Variants in C10orf90 observed in about 807,000 individuals in gnomAD.
C10orf90 encodes chromosome 10 open reading frame 90, also known as (E2-independent) E3 ubiquitin-conjugating enzyme FATS.
Under a neutral mutation model 62.5 loss-of-function variants are expected in C10orf90, and 56 were observed. The ratio of observed to expected loss-of-function variants is 0.90; its 90% CI spans 0.72 to 1.12. The LOEUF is 1.12. Ranked by LOEUF, C10orf90 falls within the 50% of genes most tolerant of loss-of-function variation. C10orf90 has a pLI of 0.00. For synonymous variants in C10orf90, 386 were observed against 340.4 expected, an observed-to-expected ratio of 1.13 and a Z score of -1.47; for missense variants, 970 against 880.4, an observed-to-expected ratio of 1.10 and a Z score of -1.29.
chr10:126,622,887 T>G (rs2804432), intron 2 of C10orf90, among the ~76,000 whole-genome samples: 17,925 of 152,256 alleles, frequency 0.12, 2,057 homozygotes, highest in African/African-American at 0.3. Context: ...ATTATTTAAT[T>G]TACATGTGCA....
chr10:126,496,856 G>A (rs533631080), intron 4 of C10orf90, among the ~76,000 whole-genome samples: 1 of 152,328 alleles, frequency 6.6e-6, no homozygotes, highest in African/African-American at 2.4e-5. Context: ...CACTCTGTGA[G>A]CCATTGCTCC....
At chr10:126,604,150 C>A (rs886390309) in intron 2 of C10orf90, among the ~76,000 whole-genome samples, 1 of 152,214 alleles carries the variant, frequency 6.6e-6, no homozygotes, top group Non-Finnish European at 1.5e-5. Flanking sequence ...CAAGGCTGGG[C>A]TCCATCCAGA....
chr10:126,668,510 A>G, intron 1 of C10orf90, among the ~76,000 whole-genome samples: 1 of 152,244 alleles, frequency 6.6e-6, no homozygotes, highest in East Asian at 1.9e-4. Context: ...CTGAGATGTC[A>G]TGGTAGGAAT....
At chr10:126,608,589 T>C (rs907705947) in intron 2 of C10orf90, among the ~76,000 whole-genome samples, 7 of 152,220 alleles carry the variant, frequency 4.6e-5, no homozygotes, top group Non-Finnish European at 1.0e-4. Flanking sequence ...TTTCTCCTTT[T>C]CCAGCTACAT....
In C10orf90 at chr10:126,456,561, A is replaced by G. The variant is rs997670342; in HGVS notation, c.2188+2479T>C. 6.6e-6 allele frequency among the ~76,000 whole-genome samples: 1 copy of G among 152,232 alleles called. No individual in the cohort carries two copies. The highest frequency in any genetic ancestry group is 2.4e-5 in the African/African-American group (1 of 41,458). On this transcript the variant is annotated intron_variant, in intron 7 of 9. Coordinates refer to ENST00000488181, the MANE Select transcript of C10orf90 (RefSeq NM_001350921.2). The surrounding 1 kb of genome is among the most constrained non-coding windows in gnomAD (Gnocchi z 4.9). ...AACACCACAGTTGAATGATATAATG[A>G]GTGTAATGATGTCGCCCCAACAAAA...
At chr10:126,427,255 G>A (rs1462007933) in intron 8 of C10orf90, among the ~76,000 whole-genome samples, 1 of 152,224 alleles carries the variant, frequency 6.6e-6, no homozygotes, top group African/African-American at 2.4e-5. Flanking sequence ...GGAAGGACTA[G>A]GAGAGAAAAC....
rs371876733 is a variant in C10orf90 at position 126,503,388 on chromosome 10, A to C, written c.1534+569T>G. Among the ~76,000 whole-genome samples the C allele has an allele frequency of 7.2e-5, 11 of 152,318 alleles. No homozygotes were observed. The East Asian group carries it at 1.4e-3, about 19-fold the overall frequency. On this transcript the variant is annotated intron_variant, in intron 4 of 9. Transcript: ENST00000488181. ...CTGCTGCTACTACTATTTGGCACAG[A>C]GAGTCCCTGACTTGCCTAATTTAGA...
At chr10:126,427,574 G>C (rs1405699984) in intron 8 of C10orf90, among the ~76,000 whole-genome samples, 1 of 152,166 alleles carries the variant, frequency 6.6e-6, no homozygotes, top group Non-Finnish European at 1.5e-5. Context: ...AATAAAGCAG[G>C]AGGAAGAAGG....
chr10:126,654,454 T>C (rs1413603545), intron 1 of C10orf90, among the ~76,000 whole-genome samples: 1 of 152,218 alleles, frequency 6.6e-6, no homozygotes, highest in Non-Finnish European at 1.5e-5. Flanking sequence ...TTTTTTTCTG[T>C]ATCTTCCTCA....
At chr10:126,528,629 C>A (rs553104697) in intron 2 of C10orf90, among the ~76,000 whole-genome samples, 1 of 152,348 alleles carries the variant, frequency 6.6e-6, no homozygotes, top group African/African-American at 2.4e-5. Flanking sequence ...AGCTCCACCA[C>A]GGCCCAGCAC....
chr10:126,477,644 T>A (rs4962559), intron 4 of C10orf90, among the ~76,000 whole-genome samples: 55,302 of 152,042 alleles, frequency 0.36, 10,991 homozygotes, highest in African/African-American at 0.54. Flanking sequence ...CCAGGGGTAC[T>A]AGTAGCTCTT....
At chr10:126,498,935 C>T (rs1862230875) in intron 4 of C10orf90, among the ~76,000 whole-genome samples, 1 of 152,180 alleles carries the variant, frequency 6.6e-6, no homozygotes, top group Admixed American at 6.5e-5. Flanking sequence ...AGTAAATGCC[C>T]TACCCATTCA....
At chr10:126,631,021 C>T (rs1470912828) in intron 2 of C10orf90, among the ~76,000 whole-genome samples, 1 of 152,210 alleles carries the variant, frequency 6.6e-6, no homozygotes, top group Non-Finnish European at 1.5e-5. Flanking sequence ...TTCCACACCT[C>T]TAGAAGGGGC....
chr10:126,601,953 G>C (rs1193524894), intron 2 of C10orf90, among the ~76,000 whole-genome samples: 1 of 152,190 alleles, frequency 6.6e-6, no homozygotes, highest in South Asian at 2.1e-4. Context: ...TAAATGCTGC[G>C]ACTGTCCTAA....
At chr10:126,455,998 C>G (rs910282108) in intron 7 of C10orf90, among the ~76,000 whole-genome samples, 2 of 152,262 alleles carry the variant, frequency 1.3e-5, no homozygotes, top group Non-Finnish European at 2.9e-5. Flanking sequence ...GATTGCTTGA[C>G]AAGCCCCGAT....
In C10orf90 at chr10:126,664,696, A is replaced by G. The variant is rs145902880; in HGVS notation, c.240+5545T>C. Among the ~76,000 whole-genome samples, 276 of 152,316 alleles carry G rather than the reference A, an allele frequency of 1.8e-3. No individual in the cohort carries two copies. In the Middle Eastern group the frequency reaches 0.027, roughly 15 times the overall value. The stretch of plus-strand genomic sequence containing the variant: ...CAAAATGATGTCAGATAGACCTTAT[A>G]AGCCTTAGCTGCCAATGCCCTGGGT... On this transcript the variant is annotated intron_variant, in intron 1 of 9. Coordinates refer to ENST00000488181, the MANE Select transcript of C10orf90 (RefSeq NM_001350921.2).
chr10:126,496,008 G>C (rs563521100), intron 4 of C10orf90, among the ~76,000 whole-genome samples: 2 of 152,278 alleles, frequency 1.3e-5, no homozygotes, highest in South Asian at 4.1e-4. Context: ...GCCTCAGATG[G>C]GCCCCATTCC....
intron 2 of C10orf90, among the ~76,000 whole-genome samples, chr10:126,587,512 G>T (rs1844896853): frequency 6.6e-6 from 1 of 152,094 alleles, no homozygotes; most frequent in Non-Finnish European, 1.5e-5. Flanking sequence ...TTTTCATAAG[G>T]ATACTAATCT....
At chr10:126,601,520 C>T (rs1564888191) in intron 2 of C10orf90, among the ~76,000 whole-genome samples, 1 of 152,112 alleles carries the variant, frequency 6.6e-6, no homozygotes, top group African/African-American at 2.4e-5. Flanking sequence ...CTTCACTTTC[C>T]CCAAAGCATC....
Sources: gnomAD v4.1 joint callset for allele counts (sites outside exome capture counted in the v4.1 genomes callset) on GRCh38, gnomAD v4.1.1 for gene constraint, Gnocchi (gnomAD v3.1) non-coding constraint, MANE v1.5 for transcripts, NCBI Gene and HGNC (gene_info 2026-07-23, HGNC 2026-07-21) for gene names.